Variants in ZNF423 observed in about 807,000 individuals in gnomAD.
ZNF423 encodes the protein Ebf-associated zinc finger protein.
ZNF423 carries 12 observed loss-of-function variants against 95.8 expected under a neutral mutation model. That is an observed-to-expected ratio of 0.13 (90% CI 0.08 to 0.20). ZNF423 has a LOEUF of 0.20. Among genes scored for constraint, ZNF423 ranks in the 10% least tolerant of loss-of-function variants. The pLI is 1.00. For missense variants in ZNF423, 1,316 were observed against 1,737.1 expected (o/e 0.76, Z 4.31); for synonymous variants, 749 against 711.9 (o/e 1.05, Z -0.83).
intron 1 of ZNF423, among the ~76,000 whole-genome samples, chr16:49,821,388 T>C (rs1487406113): frequency 6.6e-6 from 1 of 151,836 alleles, no homozygotes; most frequent in Non-Finnish European, 1.5e-5. Flanking sequence ...GAAAGAAAAA[T>C]GTTTGCTCCC....
intron 5 of ZNF423, among the ~76,000 whole-genome samples, chr16:49,551,982 G>A (rs922248969): frequency 6.6e-5 from 10 of 152,308 alleles, no homozygotes; most frequent in South Asian, 2.1e-4. Context: ...GCACTCATGC[G>A]CTTTGTCATT....
chr16:49,633,892 T>C (rs555644769), intron 4 of ZNF423, among the ~76,000 whole-genome samples: 1 of 151,940 alleles, frequency 6.6e-6, no homozygotes, highest in Non-Finnish European at 1.5e-5. Flanking sequence ...GCTCTGTTTC[T>C]TTTTCTTCCT....
intron 2 of ZNF423, among the ~76,000 whole-genome samples, chr16:49,745,642 G>T (rs751323705): frequency 6.6e-6 from 1 of 152,220 alleles, no homozygotes; most frequent in East Asian, 1.9e-4. Flanking sequence ...GCAGCGTGGT[G>T]CAATTACCCT....
At chr16:49,553,650 T>G (rs573805121) in intron 5 of ZNF423, among the ~76,000 whole-genome samples, 2 of 152,270 alleles carry the variant, frequency 1.3e-5, no homozygotes, top group East Asian at 3.9e-4. Context: ...CCTGGCCTAT[T>G]TTTATTTTTT....
chr16:49,738,544 A>G (rs1817296550), intron 2 of ZNF423, among the ~76,000 whole-genome samples: 1 of 152,142 alleles, frequency 6.6e-6, no homozygotes, highest in African/African-American at 2.4e-5. Context: ...CATGGCCACT[A>G]TGAGACAGGC....
At chr16:49,525,680 A>T (rs1968575160) in intron 5 of ZNF423, among the ~76,000 whole-genome samples, 186 bp from the exon 6 acceptor site, 1 of 151,806 alleles carries the variant, frequency 6.6e-6, no homozygotes. Context: ...AGGCTTACAG[A>T]CCCCAGAGGA....
chr16:49,835,416 G>A (rs547708421), intron 1 of ZNF423, among the ~76,000 whole-genome samples: 71 of 152,332 alleles, frequency 4.7e-4, no homozygotes, highest in South Asian at 2.1e-3. Context: ...CCACATCCCC[G>A]CAGAGGCGTT....
chr16:49,694,775 G>A (rs1029349527), intron 3 of ZNF423, among the ~76,000 whole-genome samples: 1 of 152,240 alleles, frequency 6.6e-6, no homozygotes, highest in Non-Finnish European at 1.5e-5. Flanking sequence ...CACACTGAGG[G>A]TGGAGGATTA....
intron 5 of ZNF423, among the ~76,000 whole-genome samples, chr16:49,596,972 C>T (rs1258072111): frequency 6.6e-6 from 1 of 152,232 alleles, no homozygotes. Flanking sequence ...GGCCACGTGG[C>T]TCCTCTCTGC....
chr16:49,713,535 C>T (rs1373257236), intron 3 of ZNF423, among the ~76,000 whole-genome samples: 1 of 152,102 alleles, frequency 6.6e-6, no homozygotes, highest in African/African-American at 2.4e-5. Flanking sequence ...TCCAGGTGGC[C>T]TAAATGCCCC....
At chr16:49,568,815 T>A (rs1417066307) in intron 5 of ZNF423, among the ~76,000 whole-genome samples, 4 of 152,158 alleles carry the variant, frequency 2.6e-5, no homozygotes, top group African/African-American at 9.7e-5. Flanking sequence ...CACTGTTGGC[T>A]GCAGGCCTCT....
At chr16:49,563,170 C>T (rs1190370244) in intron 5 of ZNF423, among the ~76,000 whole-genome samples, 2 of 152,124 alleles carry the variant, frequency 1.3e-5, no homozygotes, top group African/African-American at 2.4e-5. Flanking sequence ...CCAGTGTGGT[C>T]GTGTTGGGAG....
chr16:49,658,656 T>C (rs2030025137), intron 3 of ZNF423, among the ~76,000 whole-genome samples: 1 of 152,252 alleles, frequency 6.6e-6, no homozygotes, highest in African/African-American at 2.4e-5. Context: ...GGCAGCCACC[T>C]GGCCCTGGAC....
At position 49,617,300 on chromosome 16, in the gene ZNF423, G is replaced by T. The variant is rs964772781; in HGVS notation, c.3601+8870C>A. Among the ~76,000 whole-genome samples, 3 of 152,188 alleles carry T rather than the reference G, an allele frequency of 2.0e-5. No homozygotes were observed. The East Asian group carries it at 5.8e-4, about 29-fold the overall frequency. On this transcript the variant is annotated intron_variant, in intron 5 of 7. Transcript: ENST00000563137. ...GCCCACTGGGTGCTCAGGACAGAGG[G>T]GACCAAGCTCTGGGGCCACTGGCCA... is the stretch of plus-strand genomic sequence containing the variant.
At chr16:49,587,214 C>T (rs1970868661) in intron 5 of ZNF423, among the ~76,000 whole-genome samples, 2 of 152,194 alleles carry the variant, frequency 1.3e-5, no homozygotes, top group African/African-American at 4.8e-5. Context: ...ATCTCTCTCC[C>T]TCTGCAGAGC....
In ZNF423 at chr16:49,636,185, G is replaced by T. The variant is rs1381087794; in HGVS notation, c.2991C>A (p.Thr997=). Residue 997 remains threonine, a synonymous_variant, in exon 4 of 8, where the codon ACC becomes ACA. Transcript: ENST00000563137. The surrounding 1 kb of genome is among the most constrained non-coding windows in gnomAD (Gnocchi z 8.6). The part of the protein sequence containing the change: ...VTHSKSLDTG[T]CRICKMPLQS... ...GCAGGGGCATCTTGCAGATGCGACA[G>T]GTGCCCGTGTCCAGGCTCTTGCTGT... 2 of 1,613,574 alleles carry T rather than the reference G, an allele frequency of 1.2e-6. No individual in the cohort carries two copies. Among genetic ancestry groups the T allele is most frequent in the Non-Finnish European group, 1.7e-6 (2 of 1,180,028 alleles).
intron 1 of ZNF423, among the ~76,000 whole-genome samples, chr16:49,814,204 C>T (rs1567355174): frequency 6.6e-6 from 1 of 151,014 alleles, no homozygotes; most frequent in African/African-American, 2.4e-5. Context: ...GGACTCCAGA[C>T]GGGGCCTGTA....
intron 3 of ZNF423, among the ~76,000 whole-genome samples, chr16:49,670,592 T>C (rs2030760568): frequency 6.6e-6 from 1 of 152,060 alleles, no homozygotes; most frequent in African/African-American, 2.4e-5. Flanking sequence ...GGCTGCATTC[T>C]AGTCCTGCCC....
intron 1 of ZNF423, among the ~76,000 whole-genome samples, chr16:49,836,620 G>A (rs771341791): frequency 2.0e-5 from 3 of 152,106 alleles, no homozygotes; most frequent in Non-Finnish European, 4.4e-5. Flanking sequence ...ACAGGATGGC[G>A]AACATAATGG....
Sources: allele counts gnomAD v4.1 joint callset (sites outside exome capture counted in the v4.1 genomes callset), GRCh38; gene constraint gnomAD v4.1.1; non-coding constraint Gnocchi (gnomAD v3.1); transcripts MANE v1.5; gene names NCBI Gene and HGNC (gene_info 2026-07-23, HGNC 2026-07-21).